The following SNRNP48 variants were observed in gnomAD, a reference collection of about 807,000 sequenced individuals.
The protein encoded by SNRNP48 is small nuclear ribonucleoprotein U11/U12 subunit 48, also known as U11/U12 small nuclear ribonucleoprotein 48 kDa protein.
A neutral mutation model predicts 47.0 loss-of-function variants in SNRNP48; 43 were observed. The ratio of observed to expected loss-of-function variants is 0.92; its 90% CI spans 0.72 to 1.18. The LOEUF (loss-of-function observed/expected upper bound fraction) is 1.18, where lower values mean the gene tolerates loss of function less well. Among genes scored for constraint, SNRNP48 ranks in the 50% most tolerant of loss-of-function variants. SNRNP48 has a pLI of 0.00. For synonymous variants in SNRNP48, 138 were observed against 144.0 expected, an observed-to-expected ratio of 0.96 and a Z score of 0.30; for missense variants, 396 against 422.2, an observed-to-expected ratio of 0.94 and a Z score of 0.54.
intron 5 of SNRNP48, 126 bp downstream of exon 5, chr6:7,601,650 G>C: frequency 1.0e-6 from 1 of 969,558 alleles, no homozygotes. Flanking sequence ...ATTTAATATT[G>C]ACATGAAGTT....
intron 4 of SNRNP48, 90 bp from the exon 5 acceptor site, chr6:7,601,246 A>G (rs961183741): frequency 3.8e-5 from 40 of 1,061,844 alleles, no homozygotes; most frequent in Non-Finnish European, 5.2e-5. Flanking sequence ...ATATTGCATT[A>G]TTAAAGCACA....
intron 4 of SNRNP48, 37 bp from the exon 5 acceptor site, chr6:7,601,299 T>C: frequency 6.8e-7 from 1 of 1,464,664 alleles, no homozygotes; most frequent in South Asian, 1.3e-5. Flanking sequence ...CAATGCTTCA[T>C]GTATTGTTTA....
At chr6:7,601,179 T>C (rs1216274027) in intron 4 of SNRNP48, 157 bp from the exon 5 acceptor site, 9 of 542,854 alleles carry the variant, frequency 1.7e-5, no homozygotes, top group Non-Finnish European at 2.8e-5. Context: ...TTGTTTGTCA[T>C]TTATTGCTTA....
intron 7 of SNRNP48, 92 bp downstream of exon 7, chr6:7,605,578 C>T: frequency 6.9e-6 from 8 of 1,163,506 alleles, no homozygotes; most frequent in South Asian, 4.1e-5. Context: ...TTTCCAAAAC[C>T]CTTGATAGCA....
Position 7,594,164 on chromosome 6 carries a change from G to C in SNRNP48, c.331+5G>C. The C allele has an allele frequency of 7.9e-7, 1 of 1,269,740 alleles. No homozygotes were observed. The highest frequency in any genetic ancestry group is 1.1e-6 in the Non-Finnish European group (1 of 926,644). 78.7% of individuals were successfully genotyped at this position (1,269,740 alleles called of 1,614,324 possible). A position where few individuals can be genotyped will look rare whatever the true frequency, so the allele number is the denominator to read the frequency against. Reference sequence around the variant, plus strand: ...AGATACCTTCGATTACTTTGAGTAAGTATTAAGTTATTATAATTTAAAAAT... The same window carrying C: ...AGATACCTTCGATTACTTTGAGTAACTATTAAGTTATTATAATTTAAAAAT... On this transcript the variant is annotated splice_donor_5th_base_variant and intron_variant, in intron 3 of 8. Transcript: ENST00000342415.
At position 7,601,436 on chromosome 6, in the gene SNRNP48, TGAG is replaced by T. The variant is rs377281502; in HGVS notation, c.511_513del (p.Glu171del). On this transcript the variant is annotated inframe_deletion, in exon 5 of 9. Coordinates refer to ENST00000342415, the MANE Select transcript of SNRNP48 (RefSeq NM_152551.4). ...GTCTTGCCCTCTATGATTTCGTAGT[TGAG>T]GAGACAAAGAAAAAGCGCTCTGATT... is the stretch of plus-strand genomic sequence containing the variant. 5.3e-5 allele frequency: 85 copies of T among 1,604,732 alleles called. No homozygotes were observed. The East Asian group carries it at 1.6e-3, about 31-fold the overall frequency.
intron 8 of SNRNP48, 89 bp from the exon 9 acceptor site, chr6:7,608,736 A>T (rs1229790449): frequency 1.6e-6 from 1 of 613,336 alleles, no homozygotes; most frequent in African/African-American, 1.9e-5. Context: ...TACTGTTGAA[A>T]GTGGTGTATT....
intron 1 of SNRNP48, among the ~76,000 whole-genome samples, chr6:7,592,563 A>G (rs1759836687): frequency 6.6e-6 from 1 of 152,126 alleles, no homozygotes; most frequent in Non-Finnish European, 1.5e-5. Context: ...CTTCACAATC[A>G]CTTTGTGAGA....
intron 4 of SNRNP48, among the ~76,000 whole-genome samples, chr6:7,597,176 T>C (rs1471698950): frequency 6.6e-6 from 1 of 152,192 alleles, no homozygotes; most frequent in Non-Finnish European, 1.5e-5. Flanking sequence ...GTGAAGTAAC[T>C]CACCTCTGCT....
At chr6:7,605,995 A>T in intron 7 of SNRNP48, 36 bp from the exon 8 acceptor site, 1 of 1,570,488 alleles carries the variant, frequency 6.4e-7, no homozygotes, top group Non-Finnish European at 8.6e-7. Flanking sequence ...GACCAGTGGT[A>T]ACACAAACTG....
In SNRNP48 at chr6:7,590,374, C is replaced by A; in HGVS notation, c.117C>A (p.Asp39Glu). ...LEEVTASLGW[D>E]LDSLDPGEEE... ...AGGTGACCGCGTCCCTGGGCTGGGACCTAGATAGTCTGGATCCCGGGGAAG... is the reference window on the plus strand; with the variant it reads ...AGGTGACCGCGTCCCTGGGCTGGGAACTAGATAGTCTGGATCCCGGGGAAG... The change falls in exon 1 of 9, where the codon GAC becomes GAA. Residue 39 changes from aspartate (D) to glutamate (E), a missense_variant. Coordinates refer to ENST00000342415, the MANE Select transcript of SNRNP48 (RefSeq NM_152551.4). 7.3e-7 allele frequency: 1 copy of A among 1,365,276 alleles called. No homozygotes were observed. The highest frequency in any genetic ancestry group is 9.6e-7 in the Non-Finnish European group (1 of 1,046,814). 84.6% of individuals were successfully genotyped at this position (1,365,276 alleles called of 1,614,324 possible).
At chr6:7,599,369 G>C (rs1297449355) in intron 4 of SNRNP48, among the ~76,000 whole-genome samples, 1 of 152,148 alleles carries the variant, frequency 6.6e-6, no homozygotes, top group African/African-American at 2.4e-5. Flanking sequence ...CAACGTGAAT[G>C]CACTTCATGT....
At chr6:7,598,148 G>T (rs1354772899) in intron 4 of SNRNP48, among the ~76,000 whole-genome samples, 4 of 150,906 alleles carry the variant, frequency 2.7e-5, no homozygotes, top group Non-Finnish European at 4.4e-5. Flanking sequence ...ATTACAGGCG[G>T]GAGCCACCGC....
chr6:7,607,605 C>T (rs978919809), intron 8 of SNRNP48, among the ~76,000 whole-genome samples: 7 of 152,170 alleles, frequency 4.6e-5, no homozygotes, highest in African/African-American at 1.7e-4. Flanking sequence ...GCCTTTTTCT[C>T]ACTTGTTCAA....
In SNRNP48 at chr6:7,605,418, T is replaced by C. The variant is rs1397020160; in HGVS notation, c.738T>C (p.Asn246=). 1 of 1,614,072 alleles carries C rather than the reference T, an allele frequency of 6.2e-7. No individual in the cohort carries two copies. Among genetic ancestry groups the C allele is most frequent in the South Asian group, 1.1e-5 (1 of 91,078 alleles). Reference sequence around the variant, plus strand: ...CCAAGGTGATTCGAGATGTGATAAATGTGCACATGGAAGAACTCAGCAATC... The same window carrying C: ...CCAAGGTGATTCGAGATGTGATAAACGTGCACATGGAAGAACTCAGCAATC... ...SYTEVIRDVI[N]VHMEELSNHW... Residue 246 remains asparagine (N), a synonymous_variant, in exon 7 of 9, where the codon AAT becomes AAC. Transcript: ENST00000342415.
At chr6:7,601,211 G>A (rs1760013069) in intron 4 of SNRNP48, 125 bp from the exon 5 acceptor site, 12 of 647,502 alleles carry the variant, frequency 1.9e-5, no homozygotes, top group Non-Finnish European at 2.7e-5. Context: ...TGTATACTTA[G>A]GGATTATGAA....
chr6:7,596,282 A>G (rs920803306), intron 4 of SNRNP48, among the ~76,000 whole-genome samples: 2 of 152,146 alleles, frequency 1.3e-5, no homozygotes, highest in Non-Finnish European at 2.9e-5. Flanking sequence ...AAAAACACAC[A>G]TAGACAAACG....
At chr6:7,605,621 T>C in intron 7 of SNRNP48, 135 bp downstream of exon 7, 1 of 790,994 alleles carries the variant, frequency 1.3e-6, no homozygotes, top group Non-Finnish European at 2.0e-6. Context: ...TTTTTGTTTT[T>C]CGTTGTCAGT....
intron 6 of SNRNP48, among the ~76,000 whole-genome samples, chr6:7,604,171 TG>T (rs1760083796): frequency 6.6e-6 from 1 of 152,226 alleles, no homozygotes. Context: ...TACATAGAGC[TG>T]CTGACAGGGA....
Sources: gnomAD v4.1 joint callset for allele counts (sites outside exome capture counted in the v4.1 genomes callset) on GRCh38, gnomAD v4.1.1 for gene constraint, MANE v1.5 for transcripts, NCBI Gene and HGNC (gene_info 2026-07-23, HGNC 2026-07-21) for gene names.